The following AGBL4 variants were observed in gnomAD, a reference collection of about 807,000 sequenced individuals.
AGBL4 encodes the protein AGBL carboxypeptidase 4.
AGBL4 carries 58 observed loss-of-function variants against 66.4 expected under a neutral mutation model. The ratio of observed to expected loss-of-function variants is 0.87; its 90% CI spans 0.71 to 1.09. The LOEUF (loss-of-function observed/expected upper bound fraction) is 1.09. Among genes scored for constraint, AGBL4 ranks in the 50% least tolerant of loss-of-function variants. The probability of loss-of-function intolerance (pLI) is 0.00; values close to 1 mark genes in which losing one functional copy is unlikely to be tolerated. For missense variants in AGBL4, 579 were observed against 631.0 expected (o/e 0.92, Z 0.88); for synonymous variants, 234 against 222.9 (o/e 1.05, Z -0.44).
chr1:49,021,993 A>G (rs371396595), intron 5 of AGBL4, among the ~76,000 whole-genome samples: 1 of 152,322 alleles, frequency 6.6e-6, no homozygotes, highest in East Asian at 1.9e-4. Context: ...GCCTGGACCA[A>G]CAATATCAAG....
rs886219560 is a variant in AGBL4 at position 49,535,840 on chromosome 1, T to A, written c.282+161473A>T. Among the ~76,000 whole-genome samples the A allele has an allele frequency of 1.2e-4, 18 of 152,014 alleles. No homozygotes were observed. In the South Asian group the frequency reaches 2.1e-3, roughly 18 times the overall value. On this transcript the variant is annotated intron_variant, in intron 3 of 13. Transcript: ENST00000371839. ...CCAAGTAGCTGGGACTACAGGTGCCTGCCACCACACCCGGCTAATTTTTTG... is the reference window on the plus strand; with the variant it reads ...CCAAGTAGCTGGGACTACAGGTGCCAGCCACCACACCCGGCTAATTTTTTG...
chr1:49,485,551 T>G (rs1302202228), intron 3 of AGBL4, among the ~76,000 whole-genome samples: 1 of 151,248 alleles, frequency 6.6e-6, no homozygotes, highest in African/African-American at 2.4e-5. Flanking sequence ...GGCACATGTA[T>G]ACATATGTAA....
At chr1:49,912,455 C>A (rs140182703) in intron 1 of AGBL4, among the ~76,000 whole-genome samples, 324 of 152,326 alleles carry the variant, frequency 2.1e-3, no homozygotes, top group African/African-American at 7.2e-3. Context: ...TAGTATGTAA[C>A]ATTACCAAAC....
At chr1:48,960,527 A>T (rs932094819) in intron 5 of AGBL4, among the ~76,000 whole-genome samples, 1 of 152,222 alleles carries the variant, frequency 6.6e-6, no homozygotes, top group Non-Finnish European at 1.5e-5. Flanking sequence ...GACTAAGAAG[A>T]GACCAAAGAA....
chr1:48,590,604 T>A (rs2148347267), intron 10 of AGBL4, among the ~76,000 whole-genome samples: 1 of 152,116 alleles, frequency 6.6e-6, no homozygotes, highest in African/African-American at 2.4e-5. Flanking sequence ...TGCCAGCTCA[T>A]CAGCCAGCCA....
chr1:48,949,305 G>T (rs1202690456), intron 5 of AGBL4, among the ~76,000 whole-genome samples: 2 of 152,164 alleles, frequency 1.3e-5, no homozygotes, highest in African/African-American at 4.8e-5. Flanking sequence ...AAAAGACTAT[G>T]GGGAAAGTAA....
At chr1:48,603,973 C>A (rs181116099) in intron 9 of AGBL4, among the ~76,000 whole-genome samples, 23 of 151,770 alleles carry the variant, frequency 1.5e-4, no homozygotes, top group African/African-American at 2.4e-4. Context: ...ACAACAACAA[C>A]AAAAACCAAA....
chr1:49,937,518 C>T (rs557259252), intron 1 of AGBL4, among the ~76,000 whole-genome samples: 1 of 152,080 alleles, frequency 6.6e-6, no homozygotes, highest in Admixed American at 6.5e-5. Flanking sequence ...ACTCTCCACC[C>T]CAAATCAACA....
intron 4 of AGBL4, among the ~76,000 whole-genome samples, chr1:49,113,994 T>G (rs771237697): frequency 6.6e-6 from 1 of 152,246 alleles, no homozygotes; most frequent in Non-Finnish European, 1.5e-5. Flanking sequence ...GAATGGTCAG[T>G]GAGCATTGGC....
At chr1:48,621,913 A>G (rs1246738475) in intron 9 of AGBL4, among the ~76,000 whole-genome samples, 1 of 152,016 alleles carries the variant, frequency 6.6e-6, no homozygotes, top group Admixed American at 6.6e-5. Flanking sequence ...AGCTTTAAAC[A>G]AAACAATATA....
chr1:49,853,175 C>T (rs1301324707), intron 1 of AGBL4, among the ~76,000 whole-genome samples: 1 of 152,056 alleles, frequency 6.6e-6, no homozygotes, highest in Non-Finnish European at 1.5e-5. Context: ...CAGAAATGAC[C>T]AGATACTGGA....
chr1:49,885,631 T>C (rs1424852379), intron 1 of AGBL4, among the ~76,000 whole-genome samples: 2 of 152,062 alleles, frequency 1.3e-5, no homozygotes, highest in South Asian at 4.1e-4. Flanking sequence ...ACCAAATATG[T>C]ATTGAAGATC....
chr1:48,917,880 T>C (rs899140052), intron 5 of AGBL4, among the ~76,000 whole-genome samples: 4 of 152,136 alleles, frequency 2.6e-5, no homozygotes, highest in African/African-American at 9.7e-5. Flanking sequence ...CAGGGGATGA[T>C]TAAAAGGATA....
At chr1:49,267,910 C>A (rs540749760) in intron 3 of AGBL4, among the ~76,000 whole-genome samples, 4 of 152,118 alleles carry the variant, frequency 2.6e-5, no homozygotes, top group African/African-American at 9.6e-5. Flanking sequence ...ATGGGGGAAA[C>A]CACCCCCATG....
intron 4 of AGBL4, among the ~76,000 whole-genome samples, chr1:49,134,998 A>C (rs930615155): frequency 7.2e-5 from 11 of 151,996 alleles, no homozygotes; most frequent in Admixed American, 1.3e-4. Context: ...GTACGTATAC[A>C]TATATAGTAT....
chr1:48,735,075 A>C (rs894365717), intron 6 of AGBL4, among the ~76,000 whole-genome samples: 1 of 152,256 alleles, frequency 6.6e-6, no homozygotes, highest in African/African-American at 2.4e-5. Context: ...AATAGTAGCC[A>C]ACAGTAGGGT....
chr1:48,783,322 T>A (rs1269444797), intron 6 of AGBL4, among the ~76,000 whole-genome samples: 1 of 152,060 alleles, frequency 6.6e-6, no homozygotes, highest in Non-Finnish European at 1.5e-5. Flanking sequence ...GCTCATGAAG[T>A]CTGATTGAGT....
At chr1:49,968,061 T>C (rs1346913476) in intron 1 of AGBL4, among the ~76,000 whole-genome samples, 2 of 151,884 alleles carry the variant, frequency 1.3e-5, no homozygotes, top group East Asian at 3.9e-4. Flanking sequence ...CCATCTCTAC[T>C]AAAATACAAA....
chr1:49,470,553 G>A (rs991536075), intron 3 of AGBL4, among the ~76,000 whole-genome samples: 23 of 152,050 alleles, frequency 1.5e-4, no homozygotes, highest in African/African-American at 5.5e-4. Flanking sequence ...GGCAGAGCTA[G>A]GACACCAGAC....
Sources: gnomAD v4.1 joint callset for allele counts (sites outside exome capture counted in the v4.1 genomes callset) on GRCh38, gnomAD v4.1.1 for gene constraint, MANE v1.5 for transcripts, NCBI Gene and HGNC (gene_info 2026-07-23, HGNC 2026-07-21) for gene names.